Variants in ALK observed in about 807,000 individuals in gnomAD.
ALK encodes ALK receptor tyrosine kinase.
A neutral mutation model predicts 163.1 loss-of-function variants in ALK; 74 were observed. That is an observed-to-expected ratio of 0.45 (90% CI 0.38 to 0.55). The LOEUF is 0.55. Among genes scored for constraint, ALK ranks in the 20% least tolerant of loss-of-function variants. The pLI is 0.00. For missense variants in ALK, 2,063 were observed against 2,105.3 expected, an observed-to-expected ratio of 0.98 and a Z score of 0.39; for synonymous variants, 960 against 843.2, an observed-to-expected ratio of 1.14 and a Z score of -2.40.
At chr2:29,752,675 G>C (rs1379672400) in intron 1 of ALK, among the ~76,000 whole-genome samples, 2 of 152,046 alleles carry the variant, frequency 1.3e-5, no homozygotes, top group Non-Finnish European at 2.9e-5. Flanking sequence ...ACTTACGATG[G>C]GTTCATCAGG....
chr2:29,524,654 T>C (rs761834004), intron 4 of ALK, among the ~76,000 whole-genome samples: 1 of 151,744 alleles, frequency 6.6e-6, no homozygotes, highest in East Asian at 1.9e-4. Flanking sequence ...CAACATAGTA[T>C]CTGTTTCATG....
chr2:29,463,217 C>A (rs550266541), intron 4 of ALK, among the ~76,000 whole-genome samples: 1 of 152,256 alleles, frequency 6.6e-6, no homozygotes, highest in African/African-American at 2.4e-5. Flanking sequence ...CTTCTCTTAA[C>A]ATGTGAAATA....
intron 8 of ALK, among the ~76,000 whole-genome samples, chr2:29,308,682 G>T (rs77593371): frequency 1.6e-4 from 25 of 152,256 alleles, no homozygotes; most frequent in African/African-American, 6.0e-4. Context: ...ATCTTCTTCC[G>T]TCAAGTGGGG....
Position 29,842,841 on chromosome 2 carries a change from C to T in ALK, c.667+77152G>A, listed in dbSNP as rs76969115. On this transcript the variant is annotated intron_variant, in intron 1 of 28. Coordinates refer to ENST00000389048, the MANE Select transcript of ALK (RefSeq NM_004304.5). ...CACCTGGTTCCACCAACATTCCTCTCTTGCAGGTGGGGAAATGAGTTGCAG... is the reference window on the plus strand; with the variant it reads ...CACCTGGTTCCACCAACATTCCTCTTTTGCAGGTGGGGAAATGAGTTGCAG... 1.2e-3 allele frequency among the ~76,000 whole-genome samples: 178 copies of T among 152,322 alleles called. 1 individual carries two copies. The highest frequency in any genetic ancestry group is 3.4e-3 in the Middle Eastern group (1 of 294).
chr2:29,333,408 G>A (rs960113149), intron 5 of ALK, among the ~76,000 whole-genome samples: 2 of 152,130 alleles, frequency 1.3e-5, no homozygotes, highest in African/African-American at 2.4e-5. Flanking sequence ...GCCCAGCCTC[G>A]AGGTTGAATT....
intron 24 of ALK, among the ~76,000 whole-genome samples, chr2:29,210,950 C>T (rs763436522): frequency 3.3e-5 from 5 of 152,122 alleles, no homozygotes; most frequent in Non-Finnish European, 7.4e-5. Flanking sequence ...AGGATACAGC[C>T]AGAAGAAGTC....
intron 3 of ALK, among the ~76,000 whole-genome samples, chr2:29,573,741 C>A (rs1471513894): frequency 6.6e-6 from 1 of 152,192 alleles, no homozygotes; most frequent in African/African-American, 2.4e-5. Context: ...AACTCCTAAC[C>A]TTGACAGTGG....
intron 2 of ALK, among the ~76,000 whole-genome samples, chr2:29,703,853 T>C (rs1363465141): frequency 6.6e-6 from 1 of 152,194 alleles, no homozygotes; most frequent in Non-Finnish European, 1.5e-5. Context: ...GGGAAAATAC[T>C]GACTTAGGGC....
At chr2:29,627,633 T>C (rs1026999517) in intron 3 of ALK, among the ~76,000 whole-genome samples, 1 of 152,162 alleles carries the variant, frequency 6.6e-6, no homozygotes, top group Non-Finnish European at 1.5e-5. Flanking sequence ...GTCTTGTTTG[T>C]TACAACAGGA....
At chr2:29,845,103 C>A (rs1400832935) in intron 1 of ALK, among the ~76,000 whole-genome samples, 1 of 152,174 alleles carries the variant, frequency 6.6e-6, no homozygotes, top group Non-Finnish European at 1.5e-5. Context: ...CTCCCTTGTC[C>A]TGCTAGCAAA....
intron 24 of ALK, among the ~76,000 whole-genome samples, chr2:29,211,824 C>T (rs1382815203): frequency 6.6e-6 from 1 of 152,120 alleles, no homozygotes; most frequent in Admixed American, 6.5e-5. Flanking sequence ...TCATCTGATA[C>T]CTTCTTGATT....
chr2:29,515,011 T>G (rs1274881800), intron 4 of ALK, among the ~76,000 whole-genome samples: 1 of 152,178 alleles, frequency 6.6e-6, no homozygotes, highest in Non-Finnish European at 1.5e-5. Context: ...GCCTGTCCTT[T>G]CCCCTGGCCT....
intron 3 of ALK, among the ~76,000 whole-genome samples, chr2:29,577,490 T>C (rs1674556574): frequency 6.6e-6 from 1 of 151,968 alleles, no homozygotes; most frequent in African/African-American, 2.4e-5. Context: ...CAGATAATAA[T>C]AGATGCATGG....
chr2:29,853,079 A>G (rs1427253628), intron 1 of ALK, among the ~76,000 whole-genome samples: 2 of 152,242 alleles, frequency 1.3e-5, no homozygotes, highest in Non-Finnish European at 2.9e-5. Context: ...AGCTATAACC[A>G]AAGAATAAGA....
chr2:29,773,538 G>A (rs908457909), intron 1 of ALK, among the ~76,000 whole-genome samples: 2 of 152,180 alleles, frequency 1.3e-5, no homozygotes, highest in Non-Finnish European at 2.9e-5. Context: ...TGGCACTGAT[G>A]ACCGCAAAGG....
At chr2:29,406,835 G>C (rs1234722495) in intron 4 of ALK, among the ~76,000 whole-genome samples, 2 of 149,110 alleles carry the variant, frequency 1.3e-5, no homozygotes, top group Admixed American at 1.4e-4. Flanking sequence ...GGAGGTGGAG[G>C]TTGCAGTGAG....
At chr2:29,569,916 AG>A (rs1674307977) in intron 3 of ALK, among the ~76,000 whole-genome samples, 1 of 152,212 alleles carries the variant, frequency 6.6e-6, no homozygotes, top group Admixed American at 6.5e-5. Flanking sequence ...CAGAGCCTCC[AG>A]CTCAGGTCCT....
intron 1 of ALK, among the ~76,000 whole-genome samples, chr2:29,828,757 C>A (rs11127236): frequency 8.6e-5 from 13 of 150,526 alleles, no homozygotes; most frequent in African/African-American, 2.9e-4. Context: ...GACAGTGTGG[C>A]GATTCCTCAG....
intron 9 of ALK, among the ~76,000 whole-genome samples, chr2:29,280,036 T>C (rs1472197264): frequency 6.6e-6 from 1 of 151,162 alleles, no homozygotes; most frequent in East Asian, 2.0e-4. Context: ...CAGGTAGACC[T>C]GACACTTAGT....
Sources: gnomAD v4.1 joint callset for allele counts (sites outside exome capture counted in the v4.1 genomes callset) on GRCh38, gnomAD v4.1.1 for gene constraint, MANE v1.5 for transcripts, NCBI Gene and HGNC (gene_info 2026-07-23, HGNC 2026-07-21) for gene names.